Variants in DACH1 observed in about 807,000 individuals in gnomAD.
The protein encoded by DACH1 is dachshund homolog 1.
In DACH1, 12 loss-of-function variants were observed where a neutral mutation model predicts 54.2. The observed-to-expected ratio is 0.22, with a 90% CI of 0.14 to 0.36. The LOEUF is 0.36. DACH1 is among the 10% of genes least tolerant of loss of function. The pLI is 1.00. For missense variants in DACH1, 805 were observed against 929.8 expected (o/e 0.87, Z 1.75); for synonymous variants, 386 against 366.2 (o/e 1.05, Z -0.62).
intron 1 of DACH1, among the ~76,000 whole-genome samples, chr13:71,685,105 G>C (rs1337788702): frequency 6.6e-6 from 1 of 151,994 alleles, no homozygotes; most frequent in Non-Finnish European, 1.5e-5. Flanking sequence ...TTATTATTCT[G>C]GCCACAGGAA....
intron 1 of DACH1, among the ~76,000 whole-genome samples, chr13:71,839,089 G>T (rs948024064): frequency 6.6e-6 from 1 of 152,124 alleles, no homozygotes; most frequent in African/African-American, 2.4e-5. Flanking sequence ...AGGTCTCTAT[G>T]TTTGACTTCC....
intron 2 of DACH1, among the ~76,000 whole-genome samples, chr13:71,671,404 A>T (rs1880197609): frequency 6.6e-6 from 1 of 152,094 alleles, no homozygotes; most frequent in Admixed American, 6.5e-5. Flanking sequence ...AATATAAAGC[A>T]TGCATCTCAA....
chr13:71,643,956 T>C (rs981400071), intron 2 of DACH1, among the ~76,000 whole-genome samples: 1 of 152,012 alleles, frequency 6.6e-6, no homozygotes, highest in Non-Finnish European at 1.5e-5. Flanking sequence ...AAAGCAGAGG[T>C]CAGCTTTGAA....
At chr13:71,518,263 T>A (rs1210068895) in intron 6 of DACH1, among the ~76,000 whole-genome samples, 2 of 151,742 alleles carry the variant, frequency 1.3e-5, no homozygotes, top group African/African-American at 4.8e-5. Context: ...AAAGGCATCA[T>A]GGAGGTACAT....
At chr13:71,654,469 TAAAA>T (rs1878946169) in intron 2 of DACH1, among the ~76,000 whole-genome samples, 1 of 121,242 alleles carries the variant, frequency 8.2e-6, no homozygotes, top group African/African-American at 3.8e-5. Context: ...TAAAATAAAA[TAAAA>T]TAAAATAAAA....
At chr13:71,526,635 A>C (rs1463445063) in intron 6 of DACH1, among the ~76,000 whole-genome samples, 2 of 151,690 alleles carry the variant, frequency 1.3e-5, no homozygotes, top group Non-Finnish European at 2.9e-5. Context: ...TTTGATTATG[A>C]CTTAGTTTTA....
chr13:71,700,804 A>G (rs888152359), intron 1 of DACH1, among the ~76,000 whole-genome samples: 1 of 152,196 alleles, frequency 6.6e-6, no homozygotes, highest in African/African-American at 2.4e-5. Context: ...TTTGAAAACA[A>G]AATTAATGCA....
chr13:71,865,829 C>T (rs1478260658), intron 1 of DACH1, 93 bp downstream of exon 1: 88 of 1,334,652 alleles, frequency 6.6e-5, no homozygotes, highest in Non-Finnish European at 8.3e-5. Context: ...CTCGCGGGCG[C>T]GCAGAGCGAG....
At chr13:71,573,551 A>G (rs1424774572) in intron 3 of DACH1, 1 of 621,256 alleles carries the variant, frequency 1.6e-6, no homozygotes. Context: ...GTGTTTCCTT[A>G]TCCCAGGAAC....
intron 1 of DACH1, among the ~76,000 whole-genome samples, chr13:71,682,111 T>C (rs1880937648): frequency 1.3e-5 from 2 of 152,236 alleles, no homozygotes; most frequent in African/African-American, 4.8e-5. Flanking sequence ...CCACTCCTGA[T>C]GCATAATTCA....
chr13:71,748,914 TTC>T (rs1884782061), intron 1 of DACH1, among the ~76,000 whole-genome samples: 1 of 43,562 alleles, frequency 2.3e-5, no homozygotes. Flanking sequence ...CTTTCTTTCT[TTC>T]TTTCTTTCTT....
chr13:71,539,249 T>A (rs908168662), intron 6 of DACH1, among the ~76,000 whole-genome samples: 1 of 152,210 alleles, frequency 6.6e-6, no homozygotes, highest in Non-Finnish European at 1.5e-5. Flanking sequence ...TGAACTTGCA[T>A]GTTCTATGGC....
intron 1 of DACH1, among the ~76,000 whole-genome samples, chr13:71,849,915 A>G (rs1269308293): frequency 6.6e-6 from 1 of 152,244 alleles, no homozygotes; most frequent in Non-Finnish European, 1.5e-5. Context: ...CTAACTAAAC[A>G]TAAGACTAAC....
intron 1 of DACH1, among the ~76,000 whole-genome samples, chr13:71,755,370 C>T (rs777187080): frequency 2.0e-5 from 3 of 152,160 alleles, no homozygotes; most frequent in South Asian, 2.1e-4. Context: ...GCTATTTTCA[C>T]AGAACTCTCT....
chr13:71,651,689 T>C (rs1353333893), intron 2 of DACH1, among the ~76,000 whole-genome samples: 1 of 127,852 alleles, frequency 7.8e-6, no homozygotes, highest in Non-Finnish European at 1.8e-5. Context: ...TCTGTATATG[T>C]ATATGTATAT....
chr13:71,556,948 C>A, intron 6 of DACH1, 76 bp downstream of exon 6: 1 of 1,410,666 alleles, frequency 7.1e-7, no homozygotes, highest in South Asian at 1.5e-5. Context: ...TAGAGATAGA[C>A]TTCATTGTGT....
rs189548289 is a variant in DACH1 at position 71,779,179 on chromosome 13, A to G, written c.848+86743T>C. Among the ~76,000 whole-genome samples the G allele has an allele frequency of 2.5e-3, 320 of 127,112 alleles. 7 individuals are homozygous for G. The highest frequency in any genetic ancestry group is 8.5e-3 in the South Asian group (37 of 4,368). The allele number at this position is 127,112 out of a possible 152,430, so 83.4% of individuals were successfully genotyped here. ...TATACGTATATACGTATATATATACACATATATACGTATATACGTATATAT... is the reference window on the plus strand; with the variant it reads ...TATACGTATATACGTATATATATACGCATATATACGTATATACGTATATAT... On this transcript the variant is annotated intron_variant, in intron 1 of 10. Transcript: ENST00000613252.
At chr13:71,508,076 G>A (rs973112364) in intron 6 of DACH1, among the ~76,000 whole-genome samples, 3 of 152,022 alleles carry the variant, frequency 2.0e-5, no homozygotes, top group South Asian at 4.1e-4. Flanking sequence ...TTATTTTAAG[G>A]AATGATTTTA....
chr13:71,706,272 T>A (rs1420898459), intron 1 of DACH1, among the ~76,000 whole-genome samples: 2 of 151,618 alleles, frequency 1.3e-5, no homozygotes, highest in African/African-American at 4.8e-5. Context: ...TTAATCTTTA[T>A]ATTAATTAAA....
Sources: gnomAD v4.1 joint callset for allele counts (sites outside exome capture counted in the v4.1 genomes callset) on GRCh38, gnomAD v4.1.1 for gene constraint, MANE v1.5 for transcripts, NCBI Gene and HGNC (gene_info 2026-07-23, HGNC 2026-07-21) for gene names.